The following PTPRG variants were observed in gnomAD, a reference collection of about 807,000 sequenced individuals.
PTPRG encodes the protein protein tyrosine phosphatase receptor type G, also known as receptor-type tyrosine-protein phosphatase gamma.
In PTPRG, 102 loss-of-function variants were observed where a neutral mutation model predicts 165.3. That is an observed-to-expected ratio of 0.62 (90% confidence interval 0.53 to 0.73). The LOEUF (loss-of-function observed/expected upper bound fraction) is 0.73. Ranked by LOEUF, PTPRG falls within the 30% of genes least tolerant of loss-of-function variation. PTPRG has a pLI of 0.00. For synonymous variants in PTPRG, 675 were observed against 669.5 expected, an observed-to-expected ratio of 1.01 and a Z score of -0.13; for missense variants, 1,866 against 1,861.4, an observed-to-expected ratio of 1.00 and a Z score of -0.05.
chr3:62,003,793 A>G (rs1021277544), intron 4 of PTPRG, among the ~76,000 whole-genome samples: 1 of 152,168 alleles, frequency 6.6e-6, no homozygotes, highest in Non-Finnish European at 1.5e-5. Flanking sequence ...GTCTGTTCCC[A>G]TTTTTGAAAG....
chr3:62,195,163 G>A lies in PTPRG; in HGVS notation c.1320G>A (p.Leu440=). 1 of 1,614,108 alleles carries A rather than the reference G, an allele frequency of 6.2e-7. No individual in the cohort carries two copies. Among genetic ancestry groups the A allele is most frequent in the Non-Finnish European group, 8.5e-7 (1 of 1,179,924 alleles). Residue 440 remains leucine (L), a synonymous_variant, in exon 10 of 30, where the codon CTG becomes CTA. Coordinates refer to ENST00000474889, the MANE Select transcript of PTPRG (RefSeq NM_002841.4). The surrounding 1 kb of genome is among the most constrained non-coding windows in gnomAD (Gnocchi z 4.4). The stretch of plus-strand genomic sequence containing the variant: ...GCAGCGACTTTAGCCAGACGATGCT[G>A]TTTCAAGGTGAGGCTGGCTTCCCCT... ...DMRSDFSQTM[L]FQANTTRIFQ... is the part of the protein sequence containing the mutation.
chr3:61,875,997 T>C (rs1409760233), intron 2 of PTPRG, among the ~76,000 whole-genome samples: 1 of 152,110 alleles, frequency 6.6e-6, no homozygotes, highest in Non-Finnish European at 1.5e-5. Flanking sequence ...CAGTCTTTCT[T>C]TAAATAAATA....
chr3:62,279,033 C>T (rs1159314319), intron 26 of PTPRG, among the ~76,000 whole-genome samples: 1 of 152,028 alleles, frequency 6.6e-6, no homozygotes, highest in African/African-American at 2.4e-5. Context: ...CTCAGTGTCT[C>T]TCTGAGGCCT....
intron 2 of PTPRG, among the ~76,000 whole-genome samples, chr3:61,889,846 G>A (rs999553511): frequency 6.6e-6 from 1 of 152,022 alleles, no homozygotes; most frequent in African/African-American, 2.4e-5. Context: ...TGTCAGTTCT[G>A]GAGAAGGCCA....
chr3:62,128,471 A>G (rs17066157), intron 5 of PTPRG, among the ~76,000 whole-genome samples: 7,238 of 152,146 alleles, frequency 0.048, 379 homozygotes, highest in African/African-American at 0.14. Context: ...AGCCAAGCAC[A>G]TTGACAAGCT....
chr3:62,230,367 C>T (rs1405267744), intron 13 of PTPRG, among the ~76,000 whole-genome samples: 1 of 152,120 alleles, frequency 6.6e-6, no homozygotes, highest in Non-Finnish European at 1.5e-5. Flanking sequence ...CTTCAGAATT[C>T]TTTGTGGGAC....
At chr3:61,588,883 T>A (rs1257506812) in intron 1 of PTPRG, among the ~76,000 whole-genome samples, 1 of 152,222 alleles carries the variant, frequency 6.6e-6, no homozygotes. Flanking sequence ...TGGAGACTTC[T>A]GCAACAAACA....
chr3:62,136,062 C>G (rs1703698030), intron 6 of PTPRG, among the ~76,000 whole-genome samples: 1 of 152,124 alleles, frequency 6.6e-6, no homozygotes, highest in South Asian at 2.1e-4. Context: ...AGGGGGATCT[C>G]AGGGGTGCAC....
chr3:61,702,528 TACAC>T (rs139157826), intron 1 of PTPRG, among the ~76,000 whole-genome samples: 2 of 151,978 alleles, frequency 1.3e-5, no homozygotes, highest in Non-Finnish European at 1.5e-5. Flanking sequence ...TACACACGTG[TACAC>T]ACACACACAG....
intron 7 of PTPRG, among the ~76,000 whole-genome samples, chr3:62,158,159 C>T (rs1031140482): frequency 6.6e-6 from 1 of 152,110 alleles, no homozygotes; most frequent in Non-Finnish European, 1.5e-5. Flanking sequence ...AGAATTGAGG[C>T]AGTGTCAGAG....
At chr3:62,251,383 A>C (rs1337741778) in intron 15 of PTPRG, among the ~76,000 whole-genome samples, 10 of 145,762 alleles carry the variant, frequency 6.9e-5, no homozygotes, top group Non-Finnish European at 1.4e-4. Context: ...GTGTGGTGGC[A>C]TGGGCCTGTA....
intron 1 of PTPRG, among the ~76,000 whole-genome samples, chr3:61,679,840 C>T (rs372941277): frequency 3.3e-5 from 5 of 152,138 alleles, no homozygotes; most frequent in South Asian, 4.2e-4. Flanking sequence ...AGACCTCAGC[C>T]GGCCTGAGGT....
intron 2 of PTPRG, among the ~76,000 whole-genome samples, chr3:61,978,945 G>A (rs1326450079): frequency 3.9e-5 from 6 of 152,168 alleles, no homozygotes; most frequent in Admixed American, 1.3e-4. Context: ...CATACTACAC[G>A]AGGGCAAGTT....
At chr3:61,737,530 C>T (rs1190190155) in intron 1 of PTPRG, among the ~76,000 whole-genome samples, 2 of 152,114 alleles carry the variant, frequency 1.3e-5, no homozygotes, top group Admixed American at 6.5e-5. Context: ...ACCAGAAGCA[C>T]AAAGCTTGGG....
Position 62,271,435 on chromosome 3 carries a change from A to T in PTPRG, c.3062A>T (p.Tyr1021Phe). The change falls in exon 21 of 30, where the codon TAT becomes TTT. Residue 1021 changes from tyrosine to phenylalanine, a missense_variant. Around this residue, in one of 3 missense-constraint regions of PTPRG, gnomAD observed 1,452 missense variants for 1,463.0 expected, o/e 0.99. Coordinates refer to ENST00000474889, the MANE Select transcript of PTPRG (RefSeq NM_002841.4). This position sits in a 1 kb window ranked among gnomAD's most constrained non-coding sequence, Gnocchi z 4.1. ...GRQNERVVIQ[Y>F]HYTQWPDMGV... ...CAGAATGAAAGGGTAGTGATCCAGTATCACTATACACAGTGGCCTGACATG... is the reference window on the plus strand; with the variant it reads ...CAGAATGAAAGGGTAGTGATCCAGTTTCACTATACACAGTGGCCTGACATG... 1 of 1,613,342 alleles carries T rather than the reference A, an allele frequency of 6.2e-7. No homozygotes were observed.
At chr3:62,048,443 G>A (rs182778961) in intron 4 of PTPRG, among the ~76,000 whole-genome samples, 30 of 152,284 alleles carry the variant, frequency 2.0e-4, no homozygotes, top group Non-Finnish European at 4.0e-4. Context: ...TCTAAGTATA[G>A]ACAAAATGGA....
intron 2 of PTPRG, among the ~76,000 whole-genome samples, chr3:61,780,624 C>A (rs1404261515): frequency 1.3e-5 from 2 of 152,186 alleles, no homozygotes; most frequent in African/African-American, 4.8e-5. Context: ...AGCCTGCATT[C>A]TTCCCTGACA....
chr3:62,032,988 G>T (rs1699818473), intron 4 of PTPRG, among the ~76,000 whole-genome samples: 1 of 152,152 alleles, frequency 6.6e-6, no homozygotes, highest in South Asian at 2.1e-4. Flanking sequence ...CTAAGATAGT[G>T]ACATGATGAG....
At chr3:61,927,573 G>C (rs2107576273) in intron 2 of PTPRG, among the ~76,000 whole-genome samples, 1 of 152,298 alleles carries the variant, frequency 6.6e-6, no homozygotes, top group African/African-American at 2.4e-5. Flanking sequence ...CTTGCTGGCT[G>C]AGTTTTGAGA....
Sources: gnomAD v4.1 joint callset for allele counts (sites outside exome capture counted in the v4.1 genomes callset) on GRCh38, gnomAD v4.1.1 for gene constraint, gnomAD v4.1.1 regional missense constraint, Gnocchi (gnomAD v3.1) non-coding constraint, MANE v1.5 for transcripts, NCBI Gene and HGNC (gene_info 2026-07-23, HGNC 2026-07-21) for gene names.